Variants in CSNK1A1 observed in about 807,000 individuals in gnomAD.
CSNK1A1 encodes casein kinase 1 alpha 1, also known as casein kinase I isoform alpha.
A neutral mutation model predicts 46.1 loss-of-function variants in CSNK1A1; 7 were observed. The observed-to-expected ratio is 0.15, with a 90% CI of 0.09 to 0.29. CSNK1A1 has a LOEUF of 0.29. CSNK1A1 is among the 10% of genes least tolerant of loss of function. The pLI is 1.00. For synonymous variants in CSNK1A1, 137 were observed against 141.5 expected (o/e 0.97, Z 0.23); for missense variants, 96 against 417.1 (o/e 0.23, Z 6.71).
intron 2 of CSNK1A1, among the ~76,000 whole-genome samples, chr5:149,536,032 CA>C (rs1267344225): frequency 6.6e-6 from 1 of 151,462 alleles, no homozygotes; most frequent in African/African-American, 2.4e-5. Flanking sequence ...CAGCTCACCA[CA>C]ATCTCTGCCT....
rs150326183 is a variant in CSNK1A1, at chr5:149,536,195, C to T, written c.231-11024G>A. On this transcript the variant is annotated intron_variant, in intron 2 of 9. Coordinates refer to ENST00000377843, the MANE Select transcript of CSNK1A1 (RefSeq NM_001892.6). The stretch of plus-strand genomic sequence containing the variant: ...CTGGAACAACCAACCTCAGGTGATT[C>T]GCCCACCTCGGCCTCCCAAAGTGCT... 8.2e-4 allele frequency among the ~76,000 whole-genome samples: 125 copies of T among 152,230 alleles called. 2 individuals carry two copies. In the East Asian group the frequency reaches 0.022, roughly 27 times the overall value.
chr5:149,550,979 A>T lies in CSNK1A1; in HGVS notation c.-15T>A, dbSNP rs1762640684. On this transcript the variant is annotated 5_prime_UTR_variant, in exon 1 of 10. Transcript: ENST00000377843. The surrounding 1 kb of genome is among the most constrained non-coding windows in gnomAD (Gnocchi z 4.3). ...CTACTCGCCATCCTGAGAGACGAAG[A>T]TGGAGGCTGGGGCCAAGCCCCGACA... is the stretch of plus-strand genomic sequence containing the variant. 3 of 1,613,780 alleles carry T rather than the reference A, an allele frequency of 1.9e-6. No homozygotes were observed. The highest frequency in any genetic ancestry group is 2.7e-5 in the African/African-American group (2 of 75,058).
intron 2 of CSNK1A1, chr5:149,545,297 G>C (rs1762441843): frequency 3.4e-6 from 1 of 294,472 alleles, no homozygotes; most frequent in Non-Finnish European, 6.4e-6. Context: ...TGTACTAATA[G>C]CACAGGAGGA....
chr5:149,497,381 T>C (rs902879014), intron 9 of CSNK1A1: 1 of 986,036 alleles, frequency 1.0e-6, no homozygotes, highest in Non-Finnish European at 1.2e-6. Flanking sequence ...AGAGAAACCT[T>C]AGACCTTTAA....
chr5:149,527,107 G>A (rs1337014425), intron 2 of CSNK1A1, among the ~76,000 whole-genome samples: 1 of 151,022 alleles, frequency 6.6e-6, no homozygotes, highest in Admixed American at 6.7e-5. Context: ...AAACAAATGT[G>A]TCAACGTGAC....
chr5:149,499,308 GGAGGGGGA>G, intron 9 of CSNK1A1: 34 of 859,630 alleles, frequency 4.0e-5, no homozygotes, highest in Non-Finnish European at 4.5e-5. Flanking sequence ...AAAAAAAAGG[GGAGGGGGA>G]GGGGGGAGTT....
At position 149,550,894 on chromosome 5, in the gene CSNK1A1, C is replaced by G. The variant is rs1286146444; in HGVS notation, c.71G>C (p.Gly24Ala). The G allele has an allele frequency of 6.2e-7, 1 of 1,614,038 alleles. No individual in the cohort carries two copies. The highest frequency in any genetic ancestry group is 8.5e-7 in the Non-Finnish European group (1 of 1,180,026). ...GGKYKLVRKI[G>A]SGSFGDIYLA... ...ATAGATGTCCCCGAAGGAGCCAGACCCGATCTTCCGTACCAGTTTATATTT... is the reference window on the plus strand; with the variant it reads ...ATAGATGTCCCCGAAGGAGCCAGACGCGATCTTCCGTACCAGTTTATATTT... Residue 24 changes from glycine to alanine, a missense_variant, in exon 1 of 10, where the codon GGG becomes GCG. Coordinates refer to ENST00000377843, the MANE Select transcript of CSNK1A1 (RefSeq NM_001892.6). This position sits in a 1 kb window ranked among gnomAD's most constrained non-coding sequence, Gnocchi z 4.3.
Position 149,550,039 on chromosome 5 carries a change from C to A in CSNK1A1, c.230+36G>T, listed in dbSNP as rs1762606412. 6.2e-7 allele frequency: 1 copy of A among 1,602,154 alleles called. No homozygotes were observed. Among genetic ancestry groups the A allele is most frequent in the Non-Finnish European group, 8.5e-7 (1 of 1,172,938 alleles). ...CTACCCACTTCCCCATTCCGTGCTT[C>A]CCTCAGCGGATCGCCTATATGCACC... On this transcript the variant is annotated intron_variant, in intron 2 of 9. Coordinates refer to ENST00000377843, the MANE Select transcript of CSNK1A1 (RefSeq NM_001892.6). This position sits in a 1 kb window ranked among gnomAD's most constrained non-coding sequence, Gnocchi z 4.3.
chr5:149,508,641 G>C (rs1382418556), intron 7 of CSNK1A1, among the ~76,000 whole-genome samples: 1 of 152,196 alleles, frequency 6.6e-6, no homozygotes, highest in South Asian at 2.1e-4. Context: ...CTGTATTCCT[G>C]TATTGTTGGA....
intron 2 of CSNK1A1, among the ~76,000 whole-genome samples, chr5:149,539,397 T>C (rs1367919140): frequency 1.3e-5 from 2 of 151,724 alleles, no homozygotes; most frequent in African/African-American, 4.8e-5. Context: ...GCCCAGGAGT[T>C]CAAGGCTGCA....
intron 7 of CSNK1A1, among the ~76,000 whole-genome samples, chr5:149,507,896 C>T (rs572788783): frequency 6.6e-6 from 1 of 152,246 alleles, no homozygotes; most frequent in African/African-American, 2.4e-5. Flanking sequence ...CTGCTAAGTA[C>T]ATCTGTGGGC....
intron 2 of CSNK1A1, among the ~76,000 whole-genome samples, chr5:149,542,592 TTATATATA>T (rs1160379269): frequency 0.015 from 411 of 26,638 alleles, 4 homozygotes; most frequent in Non-Finnish European, 0.021. Flanking sequence ...AGATACAAAT[TTATATATA>T]TATATATATA....
chr5:149,526,872 T>A (rs755846218), intron 2 of CSNK1A1, among the ~76,000 whole-genome samples: 3 of 152,206 alleles, frequency 2.0e-5, no homozygotes, highest in Admixed American at 1.3e-4. Context: ...TAGAATCTTA[T>A]GTTGAGAGTA....
intron 7 of CSNK1A1, among the ~76,000 whole-genome samples, chr5:149,508,069 T>A (rs1327270437): frequency 6.6e-6 from 1 of 152,164 alleles, no homozygotes; most frequent in African/African-American, 2.4e-5. Flanking sequence ...CTAGAGTAAA[T>A]GCCAATGTGG....
intron 2 of CSNK1A1, among the ~76,000 whole-genome samples, chr5:149,526,345 C>A (rs186093293): frequency 6.6e-6 from 1 of 152,174 alleles, no homozygotes; most frequent in African/African-American, 2.4e-5. Flanking sequence ...TTTCAAATTT[C>A]TTGTAAAGGC....
chr5:149,544,240 A>G (rs957100362), intron 2 of CSNK1A1, among the ~76,000 whole-genome samples: 2 of 152,198 alleles, frequency 1.3e-5, no homozygotes, highest in African/African-American at 2.4e-5. Flanking sequence ...GTTCTAAATG[A>G]GGAAACAGAT....
chr5:149,549,460 C>A, intron 2 of CSNK1A1: 1 of 702,408 alleles, frequency 1.4e-6, no homozygotes, highest in Non-Finnish European at 2.6e-6. Context: ...ACCTCCACAC[C>A]GCCTCCTGCA....
chr5:149,510,543 T>TTA (rs1761186112), intron 6 of CSNK1A1, among the ~76,000 whole-genome samples: 1 of 152,154 alleles, frequency 6.6e-6, no homozygotes, highest in East Asian at 1.9e-4. Context: ...AGTGGCTCGA[T>TTA]TATAGCTCGC....
intron 9 of CSNK1A1, chr5:149,498,306 C>T (rs1171934019): frequency 1.0e-6 from 1 of 985,010 alleles, no homozygotes; most frequent in Non-Finnish European, 1.2e-6. Context: ...GTACTAAGTC[C>T]ATAAGCACCA....
Sources: allele counts gnomAD v4.1 joint callset (sites outside exome capture counted in the v4.1 genomes callset), GRCh38; gene constraint gnomAD v4.1.1; non-coding constraint Gnocchi (gnomAD v3.1); transcripts MANE v1.5; gene names NCBI Gene and HGNC (gene_info 2026-07-23, HGNC 2026-07-21).